SYNE1: variants seen among roughly 807,000 people sequenced by gnomAD.
SYNE1 encodes spectrin repeat containing nuclear envelope protein 1, also known as nesprin-1.
SYNE1 carries 616 observed loss-of-function variants against 1,111.0 expected under a neutral mutation model. The observed-to-expected ratio is 0.55, with a 90% CI of 0.52 to 0.59. The LOEUF is 0.59. Among genes scored for constraint, SYNE1 ranks in the 20% least tolerant of loss-of-function variants. SYNE1 has a pLI of 0.00. For synonymous variants in SYNE1, 3,855 were observed against 3,825.8 expected, an observed-to-expected ratio of 1.01 and a Z score of -0.28; for missense variants, 10,006 against 10,417.0, an observed-to-expected ratio of 0.96 and a Z score of 1.72.
chr6:152,436,995 C>A (rs2098479707), intron 32 of SYNE1, among the ~76,000 whole-genome samples: 1 of 151,452 alleles, frequency 6.6e-6, no homozygotes, highest in African/African-American at 2.4e-5. Context: ...GGAAGACCTC[C>A]ATCTCTAGGG....
Position 152,330,439 on chromosome 6 carries a change from G to A in SYNE1, c.14246C>T (p.Pro4749Leu). ...GGTGACAAGGTGCAGCATCTTGTCT[G>A]GCTGCCAAGGCTGACCTGTGCTGCG... ...GFRSTGQPWQPDKMLHLVTLY... is the reference protein window; with the variant it reads ...GFRSTGQPWQLDKMLHLVTLY... Residue 4749 changes from proline (P) to leucine (L), a missense_variant, in exon 78 of 146, where the codon CCA (proline) becomes CTA (leucine). Physicochemically the swap from Pro to Leu is moderately conservative, Grantham distance 98. Coordinates refer to ENST00000367255, the MANE Select transcript of SYNE1 (RefSeq NM_182961.4). 6.2e-7 allele frequency: 1 copy of A among 1,614,146 alleles called. No homozygotes were observed. The highest frequency in any genetic ancestry group is 1.1e-5 in the South Asian group (1 of 91,084).
At chr6:152,416,038 A>G (rs953236786) in intron 41 of SYNE1, among the ~76,000 whole-genome samples, 4 of 152,334 alleles carry the variant, frequency 2.6e-5, no homozygotes. Flanking sequence ...AAAGAGACAG[A>G]ATAAGGTTAA....
chr6:152,121,978 C>A lies in SYNE1; in HGVS notation c.*458G>T. The A allele has an allele frequency of 5.7e-6, 1 of 175,314 alleles. No individual in the cohort carries two copies. The highest frequency in any genetic ancestry group is 1.3e-5 in the Non-Finnish European group (1 of 79,988). The allele number at this position is 175,314 out of a possible 1,614,324, so 10.9% of individuals were successfully genotyped here. A position where few individuals can be genotyped will look rare whatever the true frequency, so the allele number is the denominator to read the frequency against. On this transcript the variant is annotated 3_prime_UTR_variant, in exon 146 of 146. Coordinates refer to ENST00000367255, the MANE Select transcript of SYNE1 (RefSeq NM_182961.4). ...ATAAGCTCTTAAAAATTGTATGTTACAAGGTTCTAAAATCTCTTCAGCACT... is the reference window on the plus strand; with the variant it reads ...ATAAGCTCTTAAAAATTGTATGTTAAAAGGTTCTAAAATCTCTTCAGCACT...
At chr6:152,433,298 G>A (rs2098445660) in intron 34 of SYNE1, among the ~76,000 whole-genome samples, 1 of 152,106 alleles carries the variant, frequency 6.6e-6, no homozygotes, top group Admixed American at 6.6e-5. Context: ...CTCTGTCCAT[G>A]CTCCAAGGTC....
chr6:152,180,286 T>A lies in SYNE1; in HGVS notation c.23310A>T (p.Leu7770Phe). The A allele has an allele frequency of 6.2e-7, 1 of 1,614,042 alleles. No homozygotes were observed. The highest frequency in any genetic ancestry group is 8.5e-7 in the Non-Finnish European group (1 of 1,179,994). The change falls in exon 129 of 146, where the codon TTA becomes TTT. Residue 7770 changes from leucine to phenylalanine, a missense_variant. Physicochemically the swap from Leu to Phe is conservative, Grantham distance 22. This residue lies in a region of SYNE1 where 2,182 missense variants were observed against 2,287.8 expected (regional missense o/e 0.95). Transcript: ENST00000367255. The stretch of plus-strand genomic sequence containing the variant: ...ATCTTTCACCTATTTGCTGCCGCCT[T>A]AAGGAGAGCTGAAAAGTTTAAAATG... ...QWEELCHQLS[L>F]RRQQIGERLN...
intron 77 of SYNE1, 59 bp downstream of exon 77, chr6:152,333,949 T>C: frequency 1.2e-6 from 2 of 1,610,780 alleles, no homozygotes; most frequent in Non-Finnish European, 1.7e-6. Flanking sequence ...TAAATTTTTA[T>C]AGATATTAAG....
chr6:152,266,919 C>T (rs747897993), intron 100 of SYNE1, among the ~76,000 whole-genome samples: 2 of 152,108 alleles, frequency 1.3e-5, no homozygotes, highest in Non-Finnish European at 2.9e-5. Flanking sequence ...ATTCCTATGT[C>T]GTCCATCTCT....
chr6:152,449,345 G>A (rs1198325408), intron 28 of SYNE1, among the ~76,000 whole-genome samples, 188 bp downstream of exon 28: 1 of 152,148 alleles, frequency 6.6e-6, no homozygotes, highest in African/African-American at 2.4e-5. Context: ...AACCCTCAAA[G>A]CTACCAAGGA....
At chr6:152,441,745 C>T (rs1564045706) in intron 31 of SYNE1, among the ~76,000 whole-genome samples, 1 of 152,150 alleles carries the variant, frequency 6.6e-6, no homozygotes, top group East Asian at 1.9e-4. Context: ...GGCTGCATGG[C>T]TTCCTGGAAA....
At chr6:152,532,828 C>G (rs994044495) in intron 4 of SYNE1, among the ~76,000 whole-genome samples, 13 of 151,964 alleles carry the variant, frequency 8.6e-5, no homozygotes, top group African/African-American at 3.1e-4. Context: ...ATCCCAGGAC[C>G]AGTCTGGAGT....
chr6:152,496,159 C>G (rs1593992425), intron 11 of SYNE1, among the ~76,000 whole-genome samples: 1 of 152,150 alleles, frequency 6.6e-6, no homozygotes, highest in African/African-American at 2.4e-5. Context: ...GACTGAACAG[C>G]TTCCTCTTCC....
intron 141 of SYNE1, 28 bp downstream of exon 141, chr6:152,136,590 G>C (rs569332554): frequency 6.2e-7 from 1 of 1,611,488 alleles, no homozygotes; most frequent in Non-Finnish European, 8.5e-7. Flanking sequence ...CTCTCTCTGA[G>C]TCACCTCCTG....
At chr6:152,360,321 C>T (rs1463729682) in intron 64 of SYNE1, among the ~76,000 whole-genome samples, 1 of 152,198 alleles carries the variant, frequency 6.6e-6, no homozygotes, top group African/African-American at 2.4e-5. Flanking sequence ...CAGCTCCCCA[C>T]TGCACCAGGA....
intron 3 of SYNE1, among the ~76,000 whole-genome samples, chr6:152,626,128 C>T (rs1344271076): frequency 6.6e-6 from 1 of 152,162 alleles, no homozygotes. Flanking sequence ...CATCCATACT[C>T]TTCACTTTCC....
rs1323300450 is a variant in SYNE1 at position 152,401,160 on chromosome 6, C to A, written c.7007G>T (p.Cys2336Phe). ...TACCTTGACTTTTTTCAATGCTTCA[C>A]AAGTCTCATTTTGGGCACAGTTCAT... The part of the protein sequence containing the change: ...SLMNCAQNET[C>F]EALKKVKDIQ... Residue 2336 changes from cysteine to phenylalanine, a missense_variant, in exon 47 of 146, where the codon TGT (cysteine) becomes TTT (phenylalanine). Around this residue, in one of 7 missense-constraint regions of SYNE1, gnomAD observed 4,955 missense variants for 5,017.2 expected, o/e 0.99. Transcript: ENST00000367255. 1 of 1,614,084 alleles carries A rather than the reference C, an allele frequency of 6.2e-7. No individual in the cohort carries two copies. The highest frequency in any genetic ancestry group is 1.1e-5 in the South Asian group (1 of 91,090).
Position 152,149,642 on chromosome 6 carries a change from G to T in SYNE1, c.24477C>A (p.Asn8159Lys). The stretch of plus-strand genomic sequence containing the variant: ...CAATTATCTGCTCAATCTTATTGTG[G>T]TTCAGTGAAATTTCCTGCTGGAAGG... ...LKAFQQEISL[N>K]HNKIEQIIAQ... Residue 8159 changes from asparagine (N) to lysine (K), a missense_variant, in exon 136 of 146, where the codon AAC (asparagine) becomes AAA (lysine). Physicochemically the swap from Asn to Lys is moderately conservative, Grantham distance 94 (BLOSUM62 0). This residue lies in a region of SYNE1 where 761 missense variants were observed against 795.5 expected (regional missense o/e 0.96). Transcript: ENST00000367255. 1 of 1,613,998 alleles carries T rather than the reference G, an allele frequency of 6.2e-7. No individual in the cohort carries two copies. The highest frequency in any genetic ancestry group is 8.5e-7 in the Non-Finnish European group (1 of 1,180,008).
chr6:152,337,814 C>G (rs1730008672), intron 75 of SYNE1, among the ~76,000 whole-genome samples: 1 of 152,132 alleles, frequency 6.6e-6, no homozygotes, highest in African/African-American at 2.4e-5. Context: ...GTTTTTGAAG[C>G]TGTGTAATTT....
rs1450873922 is a variant in SYNE1 at position 152,425,496 on chromosome 6, G to T, written c.5152C>A (p.Gln1718Lys). ...SQASFYSKLL[Q>K]LKESLFSVAS... ...ACTGAGAACAATGATTCCTTCAATT[G>T]CAAAAGTTTGCTATAGAATGAGGCC... The change falls in exon 39 of 146, where the codon CAA becomes AAA. Residue 1718 changes from glutamine (Q) to lysine (K), a missense_variant. Gln to Lys is a moderately conservative substitution (Grantham distance 53). This residue lies in a region of SYNE1 where 1,971 missense variants were observed against 2,084.1 expected (regional missense o/e 0.95). Coordinates refer to ENST00000367255, the MANE Select transcript of SYNE1 (RefSeq NM_182961.4). 3.1e-6 allele frequency: 5 copies of T among 1,613,960 alleles called. No individual in the cohort carries two copies. Among genetic ancestry groups the T allele is most frequent in the Non-Finnish European group, 1.7e-6 (2 of 1,180,024 alleles).
intron 63 of SYNE1, among the ~76,000 whole-genome samples, chr6:152,362,536 A>G (rs2096951422): frequency 1.3e-5 from 2 of 152,108 alleles, no homozygotes; most frequent in Admixed American, 1.3e-4. Context: ...AACCCAGGCC[A>G]ATATGCAGAA....
Sources: allele counts gnomAD v4.1 joint callset (sites outside exome capture counted in the v4.1 genomes callset), GRCh38; gene constraint gnomAD v4.1.1; regional missense constraint gnomAD v4.1.1; transcripts MANE v1.5; gene names NCBI Gene and HGNC (gene_info 2026-07-23, HGNC 2026-07-21).